TGDS: variants seen among roughly 807,000 people sequenced by gnomAD.
TGDS encodes UDP-D-glucose 4,6-dehydratase.
A neutral mutation model predicts 52.3 loss-of-function variants in TGDS; 47 were observed. The observed-to-expected ratio is 0.90, with a 90% CI of 0.71 to 1.15. The LOEUF is 1.15. TGDS is among the 50% of genes most tolerant of loss of function. The pLI is 0.00. For synonymous variants in TGDS, 115 were observed against 136.9 expected, an observed-to-expected ratio of 0.84 and a Z score of 1.12; for missense variants, 375 against 418.4, an observed-to-expected ratio of 0.90 and a Z score of 0.90.
chr13:94,583,045 T>C, intron 5 of TGDS, 49 bp downstream of exon 5: 2 of 1,588,924 alleles, frequency 1.3e-6, no homozygotes, highest in South Asian at 1.1e-5. Flanking sequence ...AATAAAACTG[T>C]ATCATGGTAC....
Position 94,577,441 on chromosome 13 carries a change from GA to G in TGDS, c.826-13del. The G allele has an allele frequency of 1.3e-6, 2 of 1,547,870 alleles. No homozygotes were observed. The highest frequency in any genetic ancestry group is 2.4e-5 in the East Asian group (1 of 41,510). On this transcript the variant is annotated splice_polypyrimidine_tract_variant and intron_variant, in intron 9 of 11. Transcript: ENST00000261296. ...TTGGTCTCTTTGATCTGTCAAAATG[GA>G]AAAAGCTTTTGAGTCAAATTATAAA...
In TGDS at chr13:94,592,242, T is replaced by C. The variant is rs1594457575; in HGVS notation, c.221A>G (p.Gln74Arg). 6.2e-7 allele frequency: 1 copy of C among 1,605,898 alleles called. No homozygotes were observed. The highest frequency in any genetic ancestry group is 1.3e-5 in the African/African-American group (1 of 74,542). The change falls in exon 3 of 12, where the codon CAG (glutamine) becomes CGG (arginine). Residue 74 changes from glutamine to arginine, a missense_variant and splice_region_variant. Gln to Arg is a conservative substitution (Grantham distance 43). Transcript: ENST00000261296. ...ISNKQNYKFI[Q>R]GDICDSHFVK... The stretch of plus-strand genomic sequence containing the variant: ...ACAGTTACAAGAAAATGTTCATACC[T>C]GTATAAATTTGTAGTTCTGTTTGTT...
chr13:94,595,754 G>T (rs527887954), intron 1 of TGDS, among the ~76,000 whole-genome samples: 1 of 152,100 alleles, frequency 6.6e-6, no homozygotes, highest in Non-Finnish European at 1.5e-5. Context: ...CAGTCGGTGA[G>T]CAGCTTAGGG....
At chr13:94,591,099 G>C (rs1889186171) in intron 3 of TGDS, among the ~76,000 whole-genome samples, 156 bp from the exon 4 acceptor site, 1 of 152,078 alleles carries the variant, frequency 6.6e-6, no homozygotes. Context: ...TACCAATGAT[G>C]TATTTCTCCA....
chr13:94,580,547 G>C (rs895284876), intron 6 of TGDS, among the ~76,000 whole-genome samples: 3 of 152,130 alleles, frequency 2.0e-5, no homozygotes, highest in Non-Finnish European at 4.4e-5. Context: ...TCCCACTCAT[G>C]AGGAGCCACA....
intron 5 of TGDS, among the ~76,000 whole-genome samples, chr13:94,582,071 G>A (rs1888813286): frequency 6.6e-6 from 1 of 152,050 alleles, no homozygotes; most frequent in African/African-American, 2.4e-5. Context: ...GGTGGTGCAT[G>A]CCTGCAATCC....
intron 1 of TGDS, 92 bp from the exon 2 acceptor site, chr13:94,593,999 C>G (rs1459025277): frequency 1.4e-6 from 1 of 736,736 alleles, no homozygotes; most frequent in African/African-American, 1.8e-5. Flanking sequence ...TAGGAAAATA[C>G]TCAAAGATAA....
intron 4 of TGDS, among the ~76,000 whole-genome samples, chr13:94,589,900 T>C (rs1458344329): frequency 6.6e-6 from 1 of 152,148 alleles, no homozygotes; most frequent in Non-Finnish European, 1.5e-5. Context: ...GCAGATCTTA[T>C]GATCTGTTAT....
At chr13:94,586,713 T>C (rs1888995781) in intron 4 of TGDS, among the ~76,000 whole-genome samples, 1 of 151,062 alleles carries the variant, frequency 6.6e-6, no homozygotes, top group South Asian at 2.1e-4. Context: ...AAGACATACG[T>C]GTCTAAGTAA....
At chr13:94,591,171 C>A (rs1889189315) in intron 3 of TGDS, among the ~76,000 whole-genome samples, 1 of 152,196 alleles carries the variant, frequency 6.6e-6, no homozygotes, top group African/African-American at 2.4e-5. Context: ...TTAATGAGCA[C>A]CAACAACTAC....
chr13:94,592,638 T>C (rs1234113569), intron 2 of TGDS, among the ~76,000 whole-genome samples: 1 of 152,020 alleles, frequency 6.6e-6, no homozygotes, highest in Non-Finnish European at 1.5e-5. Flanking sequence ...TATTTTGTAG[T>C]AGAGGCAGGG....
chr13:94,580,104 G>C (rs933108834), intron 6 of TGDS, 151 bp from the exon 7 acceptor site: 4 of 528,548 alleles, frequency 7.6e-6, no homozygotes, highest in African/African-American at 5.8e-5. Flanking sequence ...TCTAACGTAA[G>C]GTTTCTAAAA....
At chr13:94,593,134 C>CA (rs1566966747) in intron 2 of TGDS, among the ~76,000 whole-genome samples, 1 of 151,712 alleles carries the variant, frequency 6.6e-6, no homozygotes, top group Non-Finnish European at 1.5e-5. Context: ...AGCCTGGCAA[C>CA]AGAGTGAGAG....
At chr13:94,593,736 C>A in intron 2 of TGDS, 105 bp downstream of exon 2, 1 of 854,550 alleles carries the variant, frequency 1.2e-6, no homozygotes, top group Non-Finnish European at 1.9e-6. Flanking sequence ...GCTAAAATGA[C>A]TAAATAAAAA....
At chr13:94,586,757 T>C (rs868645396) in intron 4 of TGDS, among the ~76,000 whole-genome samples, 23,808 of 138,982 alleles carry the variant, frequency 0.17, 2,091 homozygotes, top group Non-Finnish European at 0.23. Flanking sequence ...AATTATTTTT[T>C]TTTTTTTTTT....
chr13:94,596,196 TCCGCCGCGAC>T (rs1889378382), upstream of TGDS: 1 of 1,555,464 alleles, frequency 6.4e-7, no homozygotes, highest in East Asian at 2.4e-5. Context: ...GCAGGGAAGT[TCCGCCGCGAC>T]CTTTTGCGAC....
At chr13:94,576,270 A>G in intron 11 of TGDS, 44 bp downstream of exon 11, 1 of 1,368,062 alleles carries the variant, frequency 7.3e-7, no homozygotes, top group Non-Finnish European at 1.0e-6. Flanking sequence ...TTTTTCCTTT[A>G]AATTTTTCTG....
intron 1 of TGDS, 89 bp from the exon 2 acceptor site, chr13:94,593,996 A>G: frequency 1.4e-6 from 1 of 738,268 alleles, no homozygotes. Flanking sequence ...TACTAGGAAA[A>G]TACTCAAAGA....
intron 4 of TGDS, among the ~76,000 whole-genome samples, chr13:94,587,649 A>G (rs1412493060): frequency 6.6e-6 from 1 of 152,360 alleles, no homozygotes; most frequent in East Asian, 1.9e-4. Context: ...ATAACTTTTA[A>G]GAAAAGAATT....
Sources: allele counts gnomAD v4.1 joint callset (sites outside exome capture counted in the v4.1 genomes callset), GRCh38; gene constraint gnomAD v4.1.1; transcripts MANE v1.5; gene names NCBI Gene and HGNC (gene_info 2026-07-23, HGNC 2026-07-21).